Variants in CCDC73 observed in about 807,000 individuals in gnomAD.
CCDC73 encodes the protein coiled-coil domain containing 73.
In CCDC73, 95 loss-of-function variants were observed where a neutral mutation model predicts 116.5. The ratio of observed to expected loss-of-function variants is 0.82; its 90% CI spans 0.69 to 0.97. CCDC73 has a LOEUF of 0.97. CCDC73 is among the 50% of genes least tolerant of loss of function. The probability of loss-of-function intolerance (pLI) is 0.00; values close to 1 mark genes in which losing one functional copy is unlikely to be tolerated. For missense variants in CCDC73, 1,066 were observed against 1,206.8 expected (o/e 0.88, Z 1.73); for synonymous variants, 398 against 401.3 (o/e 0.99, Z 0.10).
intron 9 of CCDC73, among the ~76,000 whole-genome samples, chr11:32,661,888 T>C (rs994026335): frequency 8.6e-5 from 13 of 151,310 alleles, no homozygotes; most frequent in Non-Finnish European, 1.9e-4. Flanking sequence ...CCTGCGTCCA[T>C]GTGTTCTCAT....
At chr11:32,607,127 C>T (rs1201858730) in intron 17 of CCDC73, among the ~76,000 whole-genome samples, 2 of 114,964 alleles carry the variant, frequency 1.7e-5, no homozygotes, top group Non-Finnish European at 3.3e-5. Flanking sequence ...GAGTCTCGCT[C>T]TGTCGCCCAG....
chr11:32,677,811 G>A (rs1420884913), intron 7 of CCDC73, among the ~76,000 whole-genome samples: 1 of 151,366 alleles, frequency 6.6e-6, no homozygotes, highest in Non-Finnish European at 1.5e-5. Flanking sequence ...AATTAGCCGG[G>A]CATGGTGATG....
At chr11:32,755,751 A>G (rs1176468347) in intron 2 of CCDC73, among the ~76,000 whole-genome samples, 30 of 102,660 alleles carry the variant, frequency 2.9e-4, no homozygotes, top group African/African-American at 1.3e-3. Context: ...ATATGTGTAT[A>G]TATATATATC....
Sources: gnomAD v4.1 joint callset for allele counts (sites outside exome capture counted in the v4.1 genomes callset) on GRCh38, gnomAD v4.1.1 for gene constraint, MANE v1.5 for transcripts, NCBI Gene and HGNC (gene_info 2026-07-23, HGNC 2026-07-21) for gene names.